Variants in WDR4 observed in about 807,000 individuals in gnomAD.
The protein encoded by WDR4 is WDR4 tRNA N7-guanosine methyltransferase non-catalytic subunit, also known as tRNA (guanine-N(7)-)-methyltransferase non-catalytic subunit WDR4.
In WDR4, 47 loss-of-function variants were observed where a neutral mutation model predicts 48.6. The ratio of observed to expected loss-of-function variants is 0.97; its 90% CI spans 0.77 to 1.23. The LOEUF (loss-of-function observed/expected upper bound fraction) is 1.23. Among genes scored for constraint, WDR4 ranks in the 50% most tolerant of loss-of-function variants. The probability of loss-of-function intolerance (pLI) is 0.00; values close to 1 mark genes in which losing one functional copy is unlikely to be tolerated. For missense variants in WDR4, 606 were observed against 551.6 expected (o/e 1.10, Z -0.99); for synonymous variants, 268 against 230.0 (o/e 1.17, Z -1.49).
In WDR4 at chr21:42,863,429, C is replaced by G. The variant is rs760796842; in HGVS notation, c.453+11G>C. 21 of 1,606,056 alleles carry G rather than the reference C, an allele frequency of 1.3e-5. No homozygotes were observed. Among genetic ancestry groups the G allele is most frequent in the Non-Finnish European group, 1.8e-5 (21 of 1,174,588 alleles). On this transcript the variant is annotated intron_variant, in intron 4 of 10. Coordinates refer to ENST00000398208, the MANE Select transcript of WDR4 (RefSeq NM_018669.6). ...CTGCCATGTCCCCCACCTACCACGT[C>G]CCCCACCTACCACATCTAACAGCAT...
At chr21:42,878,712 C>G (rs2058557701) in intron 1 of WDR4, among the ~76,000 whole-genome samples, 1 of 152,100 alleles carries the variant, frequency 6.6e-6, no homozygotes, top group African/African-American at 2.4e-5. Context: ...GTTAAAAATC[C>G]CCTGCGTCGT....
chr21:42,846,279 C>G (rs2057710689), downstream of WDR4, among the ~76,000 whole-genome samples: 1 of 152,186 alleles, frequency 6.6e-6, no homozygotes, highest in South Asian at 2.1e-4. Context: ...ATACAGAGCA[C>G]TGAGAATGAA....
At chr21:42,867,899 TCA>T (rs763798100) in intron 3 of WDR4, among the ~76,000 whole-genome samples, 1 of 151,938 alleles carries the variant, frequency 6.6e-6, no homozygotes, top group Non-Finnish European at 1.5e-5. Context: ...ATAAAGAGAA[TCA>T]CACCAGCACA....
chr21:42,876,816 A>G, intron 1 of WDR4, 49 bp from the exon 2 acceptor site: 3 of 1,566,914 alleles, frequency 1.9e-6, no homozygotes, highest in Non-Finnish European at 2.6e-6. Flanking sequence ...TTAGAGAGAA[A>G]TAACAAATTT....
In WDR4 at chr21:42,862,884, AC is replaced by A. The variant is rs2058152015; in HGVS notation, c.454-491del. 6.6e-6 allele frequency among the ~76,000 whole-genome samples: 1 copy of A among 151,934 alleles called. No individual in the cohort carries two copies. The highest frequency in any genetic ancestry group is 6.6e-5 in the Admixed American group (1 of 15,260). On this transcript the variant is annotated intron_variant, in intron 4 of 10. Coordinates refer to ENST00000398208, the MANE Select transcript of WDR4 (RefSeq NM_018669.6). The surrounding 1 kb of genome is among the most constrained non-coding windows in gnomAD (Gnocchi z 4.3). ...GTGTGCGTCCAATCCCAGCTCCACC[AC>A]CCGGGCTGTGGGCCTGCGCCCTCTG...
downstream of WDR4, among the ~76,000 whole-genome samples, chr21:42,847,129 A>T (rs1399673888): frequency 1.3e-5 from 2 of 152,242 alleles, no homozygotes; most frequent in East Asian, 3.8e-4. Flanking sequence ...TAAAATACAT[A>T]GAAACTAAAA....
chr21:42,888,761 A>C, the WDR4 span, among the ~76,000 whole-genome samples: 3 of 150,130 alleles, frequency 2.0e-5, no homozygotes, highest in Non-Finnish European at 3.0e-5. Flanking sequence ...AGTGCAGTAG[A>C]GTGATCTCAG....
At chr21:42,887,915 C>T in the WDR4 span, among the ~76,000 whole-genome samples, 1 of 151,444 alleles carries the variant, frequency 6.6e-6, no homozygotes, top group African/African-American at 2.4e-5. Flanking sequence ...AAGCAAGACT[C>T]CGTGTCAAAA....
intron 6 of WDR4, among the ~76,000 whole-genome samples, chr21:42,859,344 C>T (rs565374334): frequency 3.1e-4 from 47 of 152,294 alleles, no homozygotes; most frequent in Admixed American, 1.8e-3. Flanking sequence ...GAGAAGCCCC[C>T]GTCTACTGTT....
chr21:42,885,082 T>A, the WDR4 span, among the ~76,000 whole-genome samples: 33 of 152,246 alleles, frequency 2.2e-4, no homozygotes, highest in African/African-American at 7.5e-4. Context: ...GGACACATAT[T>A]ATGTTTCTAA....
chr21:42,864,868 C>T (rs990972525), intron 3 of WDR4, among the ~76,000 whole-genome samples: 16 of 152,316 alleles, frequency 1.1e-4, no homozygotes, highest in African/African-American at 2.2e-4. Flanking sequence ...TTCCCACACA[C>T]GCAGTTAGCC....
At position 42,850,012 on chromosome 21, in the gene WDR4, C is replaced by T; in HGVS notation, c.*37G>A. ...CAGGGGAACAAGTTAAAAAGCTTTT[C>T]CTAATTTGAGGTGAGAGACACCACT... On this transcript the variant is annotated 3_prime_UTR_variant, in exon 11 of 11. Coordinates refer to ENST00000398208, the MANE Select transcript of WDR4 (RefSeq NM_018669.6). 6.2e-7 allele frequency: 1 copy of T among 1,601,898 alleles called. No homozygotes were observed. The highest frequency in any genetic ancestry group is 8.5e-7 in the Non-Finnish European group (1 of 1,177,042).
chr21:42,877,138 A>ATTTTTTTTTTT (rs35841350), intron 1 of WDR4, among the ~76,000 whole-genome samples: 1 of 97,380 alleles, frequency 1.0e-5, no homozygotes, highest in African/African-American at 4.2e-5. Context: ...CCTGGCCCTA[A>ATTTTTTTTTTT]TTTTTTTTTT....
At chr21:42,868,038 C>T (rs887945431) in intron 3 of WDR4, among the ~76,000 whole-genome samples, 7 of 152,224 alleles carry the variant, frequency 4.6e-5, no homozygotes, top group Admixed American at 1.3e-4. Context: ...CGAGTCCCAA[C>T]TCATGGAGCT....
chr21:42,851,406 A>G (rs905100746), intron 10 of WDR4, among the ~76,000 whole-genome samples: 1 of 152,222 alleles, frequency 6.6e-6, no homozygotes, highest in African/African-American at 2.4e-5. Context: ...GGAGCCTGGC[A>G]GAAGGCGGCT....
rs1320830224 is a variant in WDR4, at chr21:42,850,169, C to G, written c.1119G>C (p.Lys373Asn). The G allele has an allele frequency of 1.2e-6, 2 of 1,613,982 alleles. No individual in the cohort carries two copies. The highest frequency in any genetic ancestry group is 1.7e-5 in the Admixed American group (1 of 60,002). The change falls in exon 11 of 11, where the codon AAG becomes AAC. Residue 373 changes from lysine (K) to asparagine (N), a missense_variant. Coordinates refer to ENST00000398208, the MANE Select transcript of WDR4 (RefSeq NM_018669.6). ...ATFDNVTSYL[K>N]KKEERLQQQL... is the part of the protein sequence containing the mutation. ...GCTGCTGCAGTCTCTCCTCTTTCTTCTTCAGGTAGGAGGTCACGTTGTCGA... is the reference window on the plus strand; with the variant it reads ...GCTGCTGCAGTCTCTCCTCTTTCTTGTTCAGGTAGGAGGTCACGTTGTCGA...
At chr21:42,864,367 C>A (rs1026362816) in intron 3 of WDR4, among the ~76,000 whole-genome samples, 2 of 152,056 alleles carry the variant, frequency 1.3e-5, no homozygotes, top group African/African-American at 2.4e-5. Context: ...GGCCCCCCAG[C>A]CTTGCCGCTC....
At chr21:42,869,305 T>G (rs1256330723) in intron 3 of WDR4, among the ~76,000 whole-genome samples, 1 of 152,202 alleles carries the variant, frequency 6.6e-6, no homozygotes, top group Non-Finnish European at 1.5e-5. Context: ...CACTCCCAAC[T>G]TCTACAACCC....
chr21:42,879,604 G>T, upstream of WDR4: 7 of 1,357,200 alleles, frequency 5.2e-6, no homozygotes, highest in Non-Finnish European at 7.1e-6. Context: ...TATACCCCAC[G>T]TACCGCGCAT....
Sources: allele counts gnomAD v4.1 joint callset (sites outside exome capture counted in the v4.1 genomes callset), GRCh38; gene constraint gnomAD v4.1.1; non-coding constraint Gnocchi (gnomAD v3.1); transcripts MANE v1.5; gene names NCBI Gene and HGNC (gene_info 2026-07-23, HGNC 2026-07-21).